The following MTUS2 variants were observed in gnomAD, a reference collection of about 807,000 sequenced individuals.
The protein encoded by MTUS2 is microtubule associated scaffold protein 2, also known as microtubule-associated tumor suppressor candidate 2.
Under a neutral mutation model 114.1 loss-of-function variants are expected in MTUS2, and 40 were observed. The observed-to-expected ratio is 0.35, with a 90% CI of 0.27 to 0.46. The LOEUF (loss-of-function observed/expected upper bound fraction) is 0.46, where lower values mean the gene tolerates loss of function less well. Among genes scored for constraint, MTUS2 ranks in the 20% least tolerant of loss-of-function variants. MTUS2 has a pLI of 1.00. For missense variants in MTUS2, 1,679 were observed against 1,705.4 expected (o/e 0.98, Z 0.27); for synonymous variants, 688 against 672.0 (o/e 1.02, Z -0.37).
chr13:29,117,313 C>G (rs1012671188), intron 5 of MTUS2, among the ~76,000 whole-genome samples: 5 of 152,198 alleles, frequency 3.3e-5, no homozygotes, highest in African/African-American at 1.2e-4. Flanking sequence ...TAAGCATGCC[C>G]TGCCCTGGCC....
intron 2 of MTUS2, among the ~76,000 whole-genome samples, chr13:28,862,107 C>T (rs1877024757): frequency 6.6e-6 from 1 of 152,166 alleles, no homozygotes; most frequent in Admixed American, 6.5e-5. Context: ...CCCTTGGCCT[C>T]ACACATGAAT....
intron 5 of MTUS2, among the ~76,000 whole-genome samples, chr13:29,149,825 G>A (rs1224664299): frequency 2.6e-5 from 4 of 152,116 alleles, no homozygotes; most frequent in Non-Finnish European, 4.4e-5. Context: ...GATGGTTGTA[G>A]GTGTGGGGTC....
intron 5 of MTUS2, among the ~76,000 whole-genome samples, chr13:29,209,485 CTTG>C (rs1297825480): frequency 6.6e-6 from 1 of 151,132 alleles, no homozygotes; most frequent in Non-Finnish European, 1.5e-5. Flanking sequence ...GCCTGAATAC[CTTG>C]TTGTTTTTTT....
intron 2 of MTUS2, among the ~76,000 whole-genome samples, chr13:28,908,163 T>C (rs1311952670): frequency 6.6e-6 from 1 of 151,646 alleles, no homozygotes; most frequent in African/African-American, 2.4e-5. Flanking sequence ...TATTATACTT[T>C]AAGTTTTAGG....
intron 8 of MTUS2, among the ~76,000 whole-genome samples, chr13:29,370,490 A>T (rs926843166): frequency 6.6e-6 from 1 of 152,132 alleles, no homozygotes; most frequent in Non-Finnish European, 1.5e-5. Flanking sequence ...GAAAGAAAGA[A>T]GTGATTAGGC....
chr13:29,159,147 T>A (rs1350812031), intron 5 of MTUS2, among the ~76,000 whole-genome samples: 1 of 152,222 alleles, frequency 6.6e-6, no homozygotes, highest in African/African-American at 2.4e-5. Context: ...TTAAAAAAGT[T>A]TATATATACA....
chr13:29,141,997 C>T (rs1380004836), intron 5 of MTUS2, among the ~76,000 whole-genome samples: 1 of 151,600 alleles, frequency 6.6e-6, no homozygotes, highest in Non-Finnish European at 1.5e-5. Context: ...GTAGCTGGGA[C>T]TACAGGCACC....
At chr13:29,093,380 T>G (rs1274587540) in intron 4 of MTUS2, among the ~76,000 whole-genome samples, 3 of 152,102 alleles carry the variant, frequency 2.0e-5, no homozygotes, top group African/African-American at 7.2e-5. Flanking sequence ...GAGGTGGAAG[T>G]TGCAGTGAGC....
Position 29,142,575 on chromosome 13 carries a change from C to A in MTUS2, c.2644+41605C>A, listed in dbSNP as rs191340783. Among the ~76,000 whole-genome samples the A allele has an allele frequency of 2.8e-3, 419 of 152,090 alleles. 2 individuals are homozygous for A. The highest frequency in any genetic ancestry group is 9.6e-3 in the African/African-American group (399 of 41,486). ...ACAAAAATTAGCTGGGCGTGGTAGCCGGTGTCTGTAATCCCAGCTACTCAG... is the reference window on the plus strand; with the variant it reads ...ACAAAAATTAGCTGGGCGTGGTAGCAGGTGTCTGTAATCCCAGCTACTCAG... On this transcript the variant is annotated intron_variant, in intron 5 of 15. Coordinates refer to ENST00000612955, the MANE Select transcript of MTUS2 (RefSeq NM_001033602.4).
intron 2 of MTUS2, among the ~76,000 whole-genome samples, chr13:28,858,854 T>C (rs778672949): frequency 6.6e-6 from 1 of 151,878 alleles, no homozygotes; most frequent in Non-Finnish European, 1.5e-5. Context: ...GGGGTGAGCT[T>C]TGCCAGATGA....
intron 2 of MTUS2, among the ~76,000 whole-genome samples, chr13:29,005,730 A>G (rs1444044043): frequency 1.3e-5 from 2 of 152,178 alleles, no homozygotes; most frequent in South Asian, 2.1e-4. Context: ...AATGATACGA[A>G]TATCTTGCAA....
At chr13:29,130,627 T>C (rs1307542220) in intron 5 of MTUS2, among the ~76,000 whole-genome samples, 2 of 152,156 alleles carry the variant, frequency 1.3e-5, no homozygotes, top group East Asian at 3.8e-4. Context: ...TATTTATTTA[T>C]TTATTTTATT....
intron 8 of MTUS2, among the ~76,000 whole-genome samples, chr13:29,375,953 C>A (rs1490070617): frequency 2.0e-5 from 3 of 151,670 alleles, no homozygotes; most frequent in African/African-American, 7.3e-5. Context: ...ATAATCCATT[C>A]ATGTAACCAG....
At chr13:28,862,391 A>G (rs143816701) in intron 2 of MTUS2, among the ~76,000 whole-genome samples, 2,076 of 152,302 alleles carry the variant, frequency 0.014, 41 homozygotes, top group African/African-American at 0.046. Flanking sequence ...CGGGTGCATC[A>G]CCTGAGGTTG....
At chr13:29,448,491 T>TC (rs1566206170) in intron 9 of MTUS2, among the ~76,000 whole-genome samples, 2 of 151,930 alleles carry the variant, frequency 1.3e-5, no homozygotes, top group African/African-American at 4.8e-5. Flanking sequence ...GTCTTTTTTT[T>TC]CCCCTTGGTG....
At chr13:29,118,662 G>C (rs968003165) in intron 5 of MTUS2, among the ~76,000 whole-genome samples, 1 of 152,174 alleles carries the variant, frequency 6.6e-6, no homozygotes, top group Non-Finnish European at 1.5e-5. Flanking sequence ...GATCCCTGGA[G>C]AGCAGTGGGG....
At chr13:29,431,768 G>A (rs1020910051) in intron 8 of MTUS2, among the ~76,000 whole-genome samples, 5 of 152,182 alleles carry the variant, frequency 3.3e-5, no homozygotes, top group African/African-American at 1.2e-4. Flanking sequence ...AACACAGTGG[G>A]AGATATGGTG....
intron 5 of MTUS2, among the ~76,000 whole-genome samples, chr13:29,241,968 C>T (rs1326513711): frequency 6.6e-6 from 1 of 152,090 alleles, no homozygotes; most frequent in African/African-American, 2.4e-5. Context: ...GCCCGCTCAC[C>T]CTGGCATCCC....
At chr13:29,160,097 A>G (rs544966259) in intron 5 of MTUS2, among the ~76,000 whole-genome samples, 73 of 152,220 alleles carry the variant, frequency 4.8e-4, no homozygotes, top group Non-Finnish European at 8.1e-4. Flanking sequence ...AATAATCCAG[A>G]AGGCCTTCCG....
Sources: allele counts gnomAD v4.1 joint callset (sites outside exome capture counted in the v4.1 genomes callset), GRCh38; gene constraint gnomAD v4.1.1; transcripts MANE v1.5; gene names NCBI Gene and HGNC (gene_info 2026-07-23, HGNC 2026-07-21).